The following EIF3H variants were observed in gnomAD, a reference collection of about 807,000 sequenced individuals.
EIF3H encodes the protein eIF-3-gamma.
In EIF3H, 26 loss-of-function variants were observed where a neutral mutation model predicts 44.2. The ratio of observed to expected loss-of-function variants is 0.59; its 90% CI spans 0.43 to 0.82. The LOEUF is 0.82. EIF3H is among the 40% of genes least tolerant of loss of function. EIF3H has a pLI of 0.00. For synonymous variants in EIF3H, 166 were observed against 151.9 expected (o/e 1.09, Z -0.68); for missense variants, 359 against 432.8 (o/e 0.83, Z 1.51).
intron 2 of EIF3H, among the ~76,000 whole-genome samples, chr8:116,668,567 G>A (rs1383629360): frequency 6.6e-6 from 1 of 152,260 alleles, no homozygotes; most frequent in East Asian, 1.9e-4. Flanking sequence ...CTCCTAAACT[G>A]TGGGAGCAGC....
chr8:116,669,406 T>A (rs900167625), intron 2 of EIF3H, among the ~76,000 whole-genome samples: 2 of 152,182 alleles, frequency 1.3e-5, no homozygotes, highest in Non-Finnish European at 2.9e-5. Context: ...AACAGGTGAC[T>A]TTTTTAAAAA....
chr8:116,751,551 T>G (rs1006007591), intron 1 of EIF3H, among the ~76,000 whole-genome samples: 17 of 152,366 alleles, frequency 1.1e-4, no homozygotes, highest in African/African-American at 3.6e-4. Flanking sequence ...AGAACAAGTC[T>G]ATAATTCTAT....
chr8:116,726,125 A>G lies in EIF3H; in HGVS notation c.180T>C (p.Thr60=). The G allele has an allele frequency of 1.9e-6, 3 of 1,614,082 alleles. No homozygotes were observed. Among genetic ancestry groups the G allele is most frequent in the Non-Finnish European group, 2.5e-6 (3 of 1,179,950 alleles). Residue 60 remains threonine (T), a synonymous_variant, in exon 2 of 8, where the codon ACT becomes ACC. Transcript: ENST00000521861. Reference sequence around the variant, plus strand: ...CCAAAAGCACTCCTTGAACAACTTCAGTTCCTTGTCCTTCTTCTTGATAAT... The same window carrying G: ...CCAAAAGCACTCCTTGAACAACTTCGGTTCCTTGTCCTTCTTCTTGATAAT... ...IKHYQEEGQG[T]EVVQGVLLGL...
rs201877205 is a variant in EIF3H at position 116,644,967 on chromosome 8, A to G, written c.*39T>C. The G allele has an allele frequency of 6.6e-7, 1 of 1,505,726 alleles. No individual in the cohort carries two copies. The highest frequency in any genetic ancestry group is 1.4e-5 in the African/African-American group (1 of 72,678). The allele number at this position is 1,505,726 out of a possible 1,614,324, so 93.3% of individuals were successfully genotyped here. On this transcript the variant is annotated 3_prime_UTR_variant, in exon 8 of 8. Coordinates refer to ENST00000521861, the MANE Select transcript of EIF3H (RefSeq NM_003756.3). ...CAAGAGTTGCCCTGGTGTGACTTCA[A>G]GAGTTCATGTTAACTTCTTTTCTGG...
intron 2 of EIF3H, among the ~76,000 whole-genome samples, chr8:116,716,081 C>G (rs1668727168): frequency 6.6e-6 from 1 of 151,992 alleles, no homozygotes; most frequent in African/African-American, 2.4e-5. Context: ...TAACAGTTTT[C>G]TAGGTTTTGA....
intron 1 of EIF3H, among the ~76,000 whole-genome samples, chr8:116,734,117 G>A (rs1814994437): frequency 6.6e-6 from 1 of 152,188 alleles, no homozygotes; most frequent in African/African-American, 2.4e-5. Flanking sequence ...ATGAAAATAA[G>A]TTTTGACCTT....
At chr8:116,730,774 A>T (rs191924870) in intron 1 of EIF3H, among the ~76,000 whole-genome samples, 274 of 152,338 alleles carry the variant, frequency 1.8e-3, no homozygotes, top group African/African-American at 5.2e-3. Context: ...CACATAAAAG[A>T]TACTCAAAAT....
chr8:116,691,869 C>CAAAAA (rs373127282), intron 2 of EIF3H, among the ~76,000 whole-genome samples: 1 of 134,422 alleles, frequency 7.4e-6, no homozygotes, highest in African/African-American at 2.8e-5. Flanking sequence ...AAGACTGTCT[C>CAAAAA]AAAAAAAAAA....
At chr8:116,726,541 A>G (rs1490734040) in intron 1 of EIF3H, among the ~76,000 whole-genome samples, 1 of 152,216 alleles carries the variant, frequency 6.6e-6, no homozygotes, top group African/African-American at 2.4e-5. Flanking sequence ...AGACACATAA[A>G]TGACAAAACT....
chr8:116,765,110 C>G (rs1231853509), intron 1 of EIF3H, among the ~76,000 whole-genome samples: 1 of 152,062 alleles, frequency 6.6e-6, no homozygotes, highest in Non-Finnish European at 1.5e-5. Context: ...TATCTCGTTT[C>G]TCTGTCTGTG....
intron 5 of EIF3H, among the ~76,000 whole-genome samples, chr8:116,649,327 C>T (rs13262725): frequency 0.89 from 135,244 of 152,220 alleles, 60,382 homozygotes; most frequent in African/African-American, 0.96. Context: ...GAAAGAACCA[C>T]ACAGATTATG....
chr8:116,750,738 T>C (rs990089271), intron 1 of EIF3H, among the ~76,000 whole-genome samples: 1 of 151,582 alleles, frequency 6.6e-6, no homozygotes, highest in African/African-American at 2.4e-5. Context: ...AAGAAAAAAC[T>C]AAGTAGTCTG....
upstream of EIF3H, among the ~76,000 whole-genome samples, chr8:116,758,560 G>A (rs1337388996): frequency 1.3e-5 from 2 of 152,106 alleles, no homozygotes; most frequent in Admixed American, 1.3e-4. Context: ...CTTTTTTGAA[G>A]TGTCCATGGA....
intron 2 of EIF3H, among the ~76,000 whole-genome samples, chr8:116,705,503 C>A (rs1254280892): frequency 2.0e-5 from 3 of 146,834 alleles, no homozygotes; most frequent in East Asian, 2.0e-4. Context: ...CCCCCCCCAC[C>A]ACCAACACCC....
At chr8:116,682,175 A>G (rs1385435020) in intron 2 of EIF3H, among the ~76,000 whole-genome samples, 1 of 152,208 alleles carries the variant, frequency 6.6e-6, no homozygotes, top group African/African-American at 2.4e-5. Context: ...CAGAATTAAA[A>G]TCAGTTGAAG....
intron 2 of EIF3H, among the ~76,000 whole-genome samples, chr8:116,718,633 G>A (rs1052842643): frequency 1.3e-5 from 2 of 150,706 alleles, no homozygotes; most frequent in Admixed American, 6.6e-5. Context: ...ATGGAAAACC[G>A]AACATCATAT....
intron 2 of EIF3H, among the ~76,000 whole-genome samples, chr8:116,693,058 T>C (rs1814206759): frequency 6.6e-6 from 1 of 152,188 alleles, no homozygotes; most frequent in Admixed American, 6.5e-5. Flanking sequence ...ATACTCAAAG[T>C]TCATATCCTG....
At chr8:116,758,307 C>T (rs1015606442), upstream of EIF3H, among the ~76,000 whole-genome samples, 5 of 152,108 alleles carry the variant, frequency 3.3e-5, no homozygotes, top group African/African-American at 1.2e-4. Context: ...TCACAAAGAA[C>T]ACATGAGAAT....
chr8:116,712,019 C>G (rs186258080), intron 2 of EIF3H, among the ~76,000 whole-genome samples: 125 of 151,316 alleles, frequency 8.3e-4, no homozygotes, highest in Non-Finnish European at 1.4e-3. Flanking sequence ...GAAAGAAAAG[C>G]AAAAAGGAGA....
Sources: allele counts gnomAD v4.1 joint callset (sites outside exome capture counted in the v4.1 genomes callset), GRCh38; gene constraint gnomAD v4.1.1; transcripts MANE v1.5; gene names NCBI Gene and HGNC (gene_info 2026-07-23, HGNC 2026-07-21).